The following DLGAP2 variants were observed in gnomAD, a reference collection of about 807,000 sequenced individuals.
DLGAP2 encodes the protein DLG associated protein 2.
Under a neutral mutation model 100.3 loss-of-function variants are expected in DLGAP2, and 26 were observed. The ratio of observed to expected loss-of-function variants is 0.26; its 90% CI spans 0.19 to 0.36. DLGAP2 has a LOEUF of 0.36. Among genes scored for constraint, DLGAP2 ranks in the 10% least tolerant of loss-of-function variants. DLGAP2 has a pLI of 1.00. For missense variants in DLGAP2, 1,858 were observed against 1,453.2 expected (o/e 1.28, Z -4.53); for synonymous variants, 886 against 630.1 (o/e 1.41, Z -6.08).
intron 1 of DLGAP2, among the ~76,000 whole-genome samples, chr8:776,871 T>G (rs1244425600): frequency 6.6e-6 from 1 of 152,184 alleles, no homozygotes; most frequent in Admixed American, 6.5e-5. Context: ...TAGGTCCACT[T>G]GTTGCAGAGC....
intron 3 of DLGAP2, among the ~76,000 whole-genome samples, chr8:1,462,452 C>A (rs1798486381): frequency 3.0e-5 from 3 of 98,962 alleles, no homozygotes. Flanking sequence ...GATTTGGTGG[C>A]CAGGAGGAGG....
chr8:1,689,053 C>G (rs1278022410), intron 12 of DLGAP2, among the ~76,000 whole-genome samples: 1 of 152,192 alleles, frequency 6.6e-6, no homozygotes, highest in Non-Finnish European at 1.5e-5. Flanking sequence ...CAATGAATCT[C>G]ACCAGTAACT....
intron 3 of DLGAP2, among the ~76,000 whole-genome samples, chr8:1,265,300 T>C (rs1035955324): frequency 2.0e-5 from 3 of 152,174 alleles, no homozygotes; most frequent in Non-Finnish European, 2.9e-5. Flanking sequence ...GGAAACAAGA[T>C]GGGTCATTTA....
At chr8:1,121,507 C>T (rs1796047226) in intron 2 of DLGAP2, among the ~76,000 whole-genome samples, 1 of 149,794 alleles carries the variant, frequency 6.7e-6, no homozygotes, top group South Asian at 2.2e-4. Flanking sequence ...CCTTGTTCCT[C>T]CAGAATCCAT....
intron 3 of DLGAP2, among the ~76,000 whole-genome samples, chr8:1,314,720 C>T (rs1283862669): frequency 1.3e-5 from 2 of 152,198 alleles, no homozygotes; most frequent in Non-Finnish European, 2.9e-5. Context: ...GCCTCCTGCT[C>T]CGGAGGTCGA....
chr8:993,920 G>C (rs117882877), intron 2 of DLGAP2, among the ~76,000 whole-genome samples: 3,159 of 150,170 alleles, frequency 0.021, 53 homozygotes, highest in Non-Finnish European at 0.028. Flanking sequence ...TCTAATAGCA[G>C]ATCCCGGCTG....
chr8:1,286,642 G>A (rs150587020), intron 3 of DLGAP2, among the ~76,000 whole-genome samples: 87 of 152,236 alleles, frequency 5.7e-4, no homozygotes, highest in African/African-American at 2.0e-3. Flanking sequence ...CTGTGTATCC[G>A]TGCTGGGCTG....
intron 8 of DLGAP2, among the ~76,000 whole-genome samples, chr8:1,642,286 G>A (rs866553384): frequency 2.7e-4 from 18 of 67,698 alleles, no homozygotes; most frequent in East Asian, 1.6e-3. Context: ...CCAACCCGCC[G>A]GCCCTCACCT....
intron 6 of DLGAP2, among the ~76,000 whole-genome samples, chr8:1,596,142 G>T (rs983565562): frequency 1.3e-5 from 2 of 151,442 alleles, no homozygotes; most frequent in Non-Finnish European, 2.9e-5. Context: ...CTGTTCCTGT[G>T]TTAGTTTGCT....
intron 8 of DLGAP2, among the ~76,000 whole-genome samples, chr8:1,662,416 G>T (rs1472141841): frequency 6.6e-6 from 1 of 152,162 alleles, no homozygotes; most frequent in African/African-American, 2.4e-5. Flanking sequence ...GCTGAAATAA[G>T]TGCCTCTTTC....
At chr8:827,620 T>A (rs1796705801) in intron 1 of DLGAP2, among the ~76,000 whole-genome samples, 1 of 152,252 alleles carries the variant, frequency 6.6e-6, no homozygotes, top group East Asian at 1.9e-4. Context: ...TTTGATATTT[T>A]GTCTCATTTG....
At position 1,640,779 on chromosome 8, in the gene DLGAP2, G is replaced by A. The variant is rs552584445; in HGVS notation, c.1810+7733G>A. On this transcript the variant is annotated intron_variant, in intron 8 of 14. Coordinates refer to ENST00000637795, the MANE Select transcript of DLGAP2 (RefSeq NM_001346810.2). ...GAAGTCTCACGTGGCCCGCCCCCCCGCATCTAGACTTGTGTTTTACAGTAA... is the reference window on the plus strand; with the variant it reads ...GAAGTCTCACGTGGCCCGCCCCCCCACATCTAGACTTGTGTTTTACAGTAA... Among the ~76,000 whole-genome samples, 14 of 152,228 alleles carry A rather than the reference G, an allele frequency of 9.2e-5. No homozygotes were observed. In the East Asian group the frequency reaches 2.1e-3, roughly 23 times the overall value.
intron 2 of DLGAP2, among the ~76,000 whole-genome samples, chr8:914,873 C>T (rs1301594393): frequency 6.6e-6 from 1 of 152,182 alleles, no homozygotes. Flanking sequence ...TGGTGCAGAT[C>T]TGTGGGGCTG....
chr8:1,296,624 G>C (rs769548539), intron 3 of DLGAP2, among the ~76,000 whole-genome samples: 1 of 152,178 alleles, frequency 6.6e-6, no homozygotes, highest in East Asian at 1.9e-4. Flanking sequence ...TTCATGATCT[G>C]TGCAAAGTCT....
intron 8 of DLGAP2, among the ~76,000 whole-genome samples, chr8:1,658,155 G>T (rs550315963): frequency 2.4e-4 from 36 of 152,122 alleles, no homozygotes; most frequent in African/African-American, 8.4e-4. Context: ...ATGCAAATGA[G>T]GGCTCCACCC....
At chr8:921,352 C>T (rs1798710053) in intron 2 of DLGAP2, among the ~76,000 whole-genome samples, 1 of 151,942 alleles carries the variant, frequency 6.6e-6, no homozygotes, top group Non-Finnish European at 1.5e-5. Context: ...TCTGTGTCCA[C>T]GTGTCCACAG....
At chr8:1,538,307 A>T (rs1474325000) in intron 4 of DLGAP2, among the ~76,000 whole-genome samples, 1 of 152,052 alleles carries the variant, frequency 6.6e-6, no homozygotes, top group African/African-American at 2.4e-5. Flanking sequence ...CACCTGCAGT[A>T]CTCCCTTGAG....
intron 6 of DLGAP2, among the ~76,000 whole-genome samples, chr8:1,590,574 T>C (rs149256197): frequency 6.6e-6 from 1 of 152,234 alleles, no homozygotes; most frequent in Admixed American, 6.5e-5. Flanking sequence ...TTAGCGATTG[T>C]TGGTGATTCT....
At chr8:1,092,927 G>A (rs1402267347) in intron 2 of DLGAP2, among the ~76,000 whole-genome samples, 5 of 152,172 alleles carry the variant, frequency 3.3e-5, no homozygotes, top group Non-Finnish European at 1.5e-5. Context: ...ACCCCATAGG[G>A]GTGTTTGTGG....
Sources: gnomAD v4.1 joint callset for allele counts (sites outside exome capture counted in the v4.1 genomes callset) on GRCh38, gnomAD v4.1.1 for gene constraint, MANE v1.5 for transcripts, NCBI Gene and HGNC (gene_info 2026-07-23, HGNC 2026-07-21) for gene names.